Variants in POFUT3 observed in about 807,000 individuals in gnomAD.
The protein encoded by POFUT3 is protein O-fucosyltransferase 3.
the POFUT3 span, among the ~76,000 whole-genome samples, chr8:33,360,264 G>A: frequency 6.6e-6 from 1 of 151,946 alleles, no homozygotes; most frequent in East Asian, 1.9e-4. Context: ...CTAACATGGT[G>A]AAACCCCATC....
At chr8:33,416,781 G>T in the POFUT3 span, among the ~76,000 whole-genome samples, 2 of 150,494 alleles carry the variant, frequency 1.3e-5, no homozygotes, top group African/African-American at 2.5e-5. Flanking sequence ...AGGAGGCAGA[G>T]GTTGCAGTGA....
the POFUT3 span, among the ~76,000 whole-genome samples, chr8:33,352,706 A>C: frequency 2.0e-5 from 3 of 152,222 alleles, no homozygotes; most frequent in Non-Finnish European, 4.4e-5. Flanking sequence ...ATGGACAATG[A>C]AAGCCCCCAT....
At chr8:33,352,358 G>A in the POFUT3 span, among the ~76,000 whole-genome samples, 5 of 152,126 alleles carry the variant, frequency 3.3e-5, no homozygotes, top group East Asian at 1.9e-4. Flanking sequence ...TACCTTAAAC[G>A]GGGCTTTATT....
At chr8:33,463,755 T>C in the POFUT3 span, among the ~76,000 whole-genome samples, 1 of 152,190 alleles carries the variant, frequency 6.6e-6, no homozygotes, top group Non-Finnish European at 1.5e-5. Context: ...TCTCACCATG[T>C]TGTCCAGGCT....
the POFUT3 span, among the ~76,000 whole-genome samples, chr8:33,406,378 A>C: frequency 6.6e-6 from 1 of 152,172 alleles, no homozygotes; most frequent in Non-Finnish European, 1.5e-5. Flanking sequence ...TCTGACTGGC[A>C]TAGGGCTTGA....
chr8:33,453,446 T>C, the POFUT3 span: 1 of 1,614,006 alleles, frequency 6.2e-7, no homozygotes, highest in Non-Finnish European at 8.5e-7. Flanking sequence ...CATTTTTGTA[T>C]GTCCATCTTG....
the POFUT3 span, among the ~76,000 whole-genome samples, chr8:33,386,096 C>T: frequency 1.4e-5 from 2 of 143,174 alleles, no homozygotes; most frequent in East Asian, 2.1e-4. Context: ...GGCTGAGGCA[C>T]GAGAATCGCT....
At chr8:33,338,503 A>G in the POFUT3 span, among the ~76,000 whole-genome samples, 6 of 152,212 alleles carry the variant, frequency 3.9e-5, no homozygotes, top group Non-Finnish European at 1.5e-5. Flanking sequence ...TACAGTGTCA[A>G]TGGAGACCAC....
chr8:33,471,094 A>C, the POFUT3 span, among the ~76,000 whole-genome samples: 1 of 152,232 alleles, frequency 6.6e-6, no homozygotes, highest in Non-Finnish European at 1.5e-5. Flanking sequence ...AGATAAACTT[A>C]ACTTCTAAAA....
the POFUT3 span, among the ~76,000 whole-genome samples, chr8:33,472,357 G>A: frequency 6.6e-6 from 1 of 152,154 alleles, no homozygotes; most frequent in African/African-American, 2.4e-5. Context: ...TTATTTTAAA[G>A]AATCATTAAA....
the POFUT3 span, among the ~76,000 whole-genome samples, chr8:33,443,775 G>A: frequency 6.6e-6 from 1 of 152,038 alleles, no homozygotes; most frequent in Non-Finnish European, 1.5e-5. Context: ...TTACAGGCAT[G>A]AGCCACTACA....
the POFUT3 span, among the ~76,000 whole-genome samples, chr8:33,363,142 A>C: frequency 6.6e-6 from 1 of 152,228 alleles, no homozygotes; most frequent in Non-Finnish European, 1.5e-5. Context: ...ACTACATGGA[A>C]ACTGAACAAT....
the POFUT3 span, among the ~76,000 whole-genome samples, chr8:33,415,622 C>A: frequency 6.6e-6 from 1 of 152,164 alleles, no homozygotes; most frequent in Non-Finnish European, 1.5e-5. Flanking sequence ...AGATAAAAAT[C>A]TTCAGACTTG....
At chr8:33,372,296 T>C in the POFUT3 span, 2 of 1,155,842 alleles carry the variant, frequency 1.7e-6, no homozygotes, top group Admixed American at 4.4e-5. Flanking sequence ...TCTAGGTGAA[T>C]TTCCACAAAA....
the POFUT3 span, among the ~76,000 whole-genome samples, chr8:33,388,648 T>C: frequency 1.5e-3 from 232 of 152,220 alleles, 1 homozygote; most frequent in African/African-American, 5.2e-3. Flanking sequence ...GAACTCTTAA[T>C]TTTTTATGTT....
chr8:33,313,324 G>A, the POFUT3 span, among the ~76,000 whole-genome samples: 1 of 152,148 alleles, frequency 6.6e-6, no homozygotes, highest in African/African-American at 2.4e-5. Flanking sequence ...ATGGTGGTAA[G>A]TTTTTCTTTT....
chr8:33,317,860 C>T, the POFUT3 span, among the ~76,000 whole-genome samples: 6 of 152,254 alleles, frequency 3.9e-5, no homozygotes, highest in Non-Finnish European at 8.8e-5. Context: ...TTTCCCCCAT[C>T]AGGGCCCCAG....
the POFUT3 span, among the ~76,000 whole-genome samples, chr8:33,468,784 T>C: frequency 6.6e-6 from 1 of 152,198 alleles, no homozygotes; most frequent in African/African-American, 2.4e-5. Context: ...AGAGTGTTGA[T>C]TGGATATCTC....
chr8:33,358,815 C>T, the POFUT3 span, among the ~76,000 whole-genome samples: 10 of 151,386 alleles, frequency 6.6e-5, no homozygotes, highest in South Asian at 4.2e-4. Flanking sequence ...CCAGCCTGGG[C>T]GACATGGCAA....
Sources: gnomAD v4.1 joint callset for allele counts (sites outside exome capture counted in the v4.1 genomes callset) on GRCh38, gnomAD v4.1.1 for gene constraint, MANE v1.5 for transcripts, NCBI Gene and HGNC (gene_info 2026-07-23, HGNC 2026-07-21) for gene names.